MBTPS1: variants seen among roughly 807,000 people sequenced by gnomAD.
MBTPS1 encodes the protein membrane bound transcription factor peptidase, site 1.
MBTPS1 carries 94 observed loss-of-function variants against 127.8 expected under a neutral mutation model. That is an observed-to-expected ratio of 0.74 (90% CI 0.62 to 0.87). The LOEUF is 0.87. Among genes scored for constraint, MBTPS1 ranks in the 40% least tolerant of loss-of-function variants. The probability of loss-of-function intolerance (pLI) is 0.00; values close to 1 mark genes in which losing one functional copy is unlikely to be tolerated. For missense variants in MBTPS1, 1,636 were observed against 1,353.2 expected (o/e 1.21, Z -3.28); for synonymous variants, 632 against 509.4 (o/e 1.24, Z -3.24).
chr16:84,106,863 G>A (rs925079460), intron 1 of MBTPS1, among the ~76,000 whole-genome samples: 2 of 152,216 alleles, frequency 1.3e-5, no homozygotes, highest in African/African-American at 4.8e-5. Flanking sequence ...TACGAAGGCA[G>A]AAGTGACAGA....
chr16:84,068,136 A>G (rs1474052598), intron 15 of MBTPS1, among the ~76,000 whole-genome samples: 1 of 152,246 alleles, frequency 6.6e-6, no homozygotes, highest in Non-Finnish European at 1.5e-5. Context: ...CCTGTCTCCA[A>G]TCAGCCTGTC....
chr16:84,091,793 A>G lies in MBTPS1; in HGVS notation c.902T>C (p.Ile301Thr). 1.2e-6 allele frequency: 2 copies of G among 1,614,200 alleles called. No individual in the cohort carries two copies. Among genetic ancestry groups the G allele is most frequent in the South Asian group, 1.1e-5 (1 of 91,090 alleles). ...GCCGATGCTGAGGTTTAACACGTCG[A>G]TCTTCTTTAAAATGGCATAGTTGAA... Reference protein sequence around the residue: ...DAFNYAILKKIDVLNLSIGGP... With the variant: ...DAFNYAILKKTDVLNLSIGGP... The change falls in exon 7 of 23, where the codon ATC becomes ACC. Residue 301 changes from isoleucine (I) to threonine (T), a missense_variant. Ile to Thr is a moderately conservative substitution (Grantham distance 89). Coordinates refer to ENST00000343411, the MANE Select transcript of MBTPS1 (RefSeq NM_003791.4).
intron 1 of MBTPS1, among the ~76,000 whole-genome samples, chr16:84,106,237 G>C (rs754860128): frequency 6.6e-6 from 1 of 152,214 alleles, no homozygotes; most frequent in Non-Finnish European, 1.5e-5. Context: ...AGAGGTTGCA[G>C]TGAGTTGAGA....
At chr16:84,063,584 A>T in intron 18 of MBTPS1, 139 bp from the exon 19 acceptor site, 1 of 802,590 alleles carries the variant, frequency 1.2e-6, no homozygotes, top group Non-Finnish European at 1.9e-6. Context: ...AATTTTTAGA[A>T]TAGAAAAGCC....
rs575323212 is a variant in MBTPS1 at position 84,074,748 on chromosome 16, T to C, written c.1449-7A>G. The C allele has an allele frequency of 1.2e-6, 2 of 1,612,234 alleles. No homozygotes were observed. Among genetic ancestry groups the C allele is most frequent in the African/African-American group, 1.3e-5 (1 of 74,922 alleles). On this transcript the variant is annotated splice_polypyrimidine_tract_variant and splice_region_variant and intron_variant, in intron 11 of 22. Transcript: ENST00000343411. ...TATGTAGCTGGGGCTCAAACTGAAATAAAGAATACAGTGTTAGAGTAGATC... is the reference window on the plus strand; with the variant it reads ...TATGTAGCTGGGGCTCAAACTGAAACAAAGAATACAGTGTTAGAGTAGATC...
At position 84,060,666 on chromosome 16, in the gene MBTPS1, C is replaced by G. The variant is rs1176167651; in HGVS notation, c.2704+16G>C. ...GATCCAATTCCCTCCCCAAGGCATC[C>G]TGCCCATCCACTCACCTTCCATCCT... On this transcript the variant is annotated intron_variant, in intron 20 of 22. Coordinates refer to ENST00000343411, the MANE Select transcript of MBTPS1 (RefSeq NM_003791.4). 1.9e-6 allele frequency: 3 copies of G among 1,609,774 alleles called. No homozygotes were observed. The East Asian group carries it at 6.7e-5, about 36-fold the overall frequency.
intron 20 of MBTPS1, chr16:84,059,759 C>T (rs528272672): frequency 5.9e-5 from 10 of 169,718 alleles, no homozygotes; most frequent in African/African-American, 2.1e-4. Context: ...AGCTACAGAC[C>T]GGTTTCATGG....
At chr16:84,066,164 C>T (rs16962684) in intron 17 of MBTPS1, among the ~76,000 whole-genome samples, 268 of 152,290 alleles carry the variant, frequency 1.8e-3, no homozygotes, top group African/African-American at 5.2e-3. Context: ...GAACTTCCTA[C>T]ACGGGAAACA....
rs536762541 is a variant in MBTPS1 at position 84,093,037 on chromosome 16, G to A, written c.846+151C>T. The A allele has an allele frequency of 2.1e-4, 135 of 643,838 alleles. No individual in the cohort carries two copies. In the African/African-American group the frequency reaches 2.3e-3, roughly 11 times the overall value. 39.9% of individuals were successfully genotyped at this position (643,838 alleles called of 1,614,324 possible). On this transcript the variant is annotated intron_variant, in intron 6 of 22. Coordinates refer to ENST00000343411, the MANE Select transcript of MBTPS1 (RefSeq NM_003791.4). ...AGGGCGGAGCCACCCAGGAGGCAGA[G>A]GAACAGTAAACTGAGCATGCGTGCT...
chr16:84,083,351 T>C (rs2085969842), intron 10 of MBTPS1, among the ~76,000 whole-genome samples: 1 of 152,212 alleles, frequency 6.6e-6, no homozygotes, highest in African/African-American at 2.4e-5. Context: ...AGCAAGCACA[T>C]GGTTATTCTC....
intron 15 of MBTPS1, 143 bp downstream of exon 15, chr16:84,068,195 GC>G: frequency 4.7e-6 from 3 of 642,908 alleles, no homozygotes; most frequent in East Asian, 5.3e-5. Flanking sequence ...TCAGAGCCTC[GC>G]CCCAGGCTCA....
intron 21 of MBTPS1, among the ~76,000 whole-genome samples, chr16:84,058,841 C>G (rs1309934963): frequency 6.6e-6 from 1 of 152,200 alleles, no homozygotes; most frequent in South Asian, 2.1e-4. Context: ...CTTTCACCCC[C>G]AGTCACAGTC....
chr16:84,116,106 C>G (rs559808112), intron 1 of MBTPS1, among the ~76,000 whole-genome samples: 21 of 152,262 alleles, frequency 1.4e-4, no homozygotes, highest in African/African-American at 5.1e-4. Flanking sequence ...CACGTAATTT[C>G]GAAGTGTCAA....
At chr16:84,072,546 C>T (rs946989004) in intron 12 of MBTPS1, among the ~76,000 whole-genome samples, 2 of 152,200 alleles carry the variant, frequency 1.3e-5, no homozygotes, top group African/African-American at 2.4e-5. Context: ...AATCCCAGCA[C>T]TTTGGGAGGG....
At chr16:84,060,907 C>A (rs1172525852) in intron 19 of MBTPS1, 94 bp from the exon 20 acceptor site, 49 of 1,266,750 alleles carry the variant, frequency 3.9e-5, no homozygotes, top group Non-Finnish European at 5.1e-5. Context: ...AATCATAGCT[C>A]ACTGCAGCCT....
chr16:84,068,561 G>A, intron 14 of MBTPS1, 107 bp from the exon 15 acceptor site: 1 of 763,220 alleles, frequency 1.3e-6, no homozygotes, highest in Non-Finnish European at 2.3e-6. Context: ...ATGGCCCACA[G>A]AGAAGGCCTG....
intron 11 of MBTPS1, 106 bp from the exon 12 acceptor site, chr16:84,074,847 G>T: frequency 1.9e-6 from 2 of 1,065,780 alleles, no homozygotes; most frequent in South Asian, 1.6e-5. Context: ...CTTCAGAAGG[G>T]CTTGCTTACA....
intron 1 of MBTPS1, chr16:84,110,631 A>T (rs1035295010): frequency 1.3e-5 from 2 of 152,186 alleles, no homozygotes; most frequent in African/African-American, 4.8e-5. Context: ...TGCAAATATT[A>T]ACTAATTTAA....
chr16:84,113,423 A>G (rs893195339), intron 1 of MBTPS1, among the ~76,000 whole-genome samples: 7 of 152,250 alleles, frequency 4.6e-5, no homozygotes, highest in African/African-American at 1.7e-4. Context: ...AATTTTTGAC[A>G]TCAAGTACTA....
Sources: gnomAD v4.1 joint callset for allele counts (sites outside exome capture counted in the v4.1 genomes callset) on GRCh38, gnomAD v4.1.1 for gene constraint, MANE v1.5 for transcripts, NCBI Gene and HGNC (gene_info 2026-07-23, HGNC 2026-07-21) for gene names.